IFNLR1: variants seen among roughly 807,000 people sequenced by gnomAD.
IFNLR1 encodes CRF2-12.
A neutral mutation model predicts 52.5 loss-of-function variants in IFNLR1; 28 were observed. That is an observed-to-expected ratio of 0.53 (90% CI 0.40 to 0.73). The LOEUF (loss-of-function observed/expected upper bound fraction) is 0.73, where lower values mean the gene tolerates loss of function less well. Ranked by LOEUF, IFNLR1 falls within the 30% of genes least tolerant of loss-of-function variation. IFNLR1 has a pLI of 0.00. For synonymous variants in IFNLR1, 276 were observed against 274.9 expected (o/e 1.00, Z -0.04); for missense variants, 623 against 659.1 (o/e 0.95, Z 0.60).
intron 2 of IFNLR1, among the ~76,000 whole-genome samples, chr1:24,174,601 T>G (rs1644613165): frequency 6.6e-6 from 1 of 152,210 alleles, no homozygotes. Flanking sequence ...AATTGTCTTC[T>G]AGTGTTTTGC....
intron 1 of IFNLR1, among the ~76,000 whole-genome samples, chr1:24,182,999 T>C (rs1340181284): frequency 6.6e-6 from 1 of 152,166 alleles, no homozygotes; most frequent in African/African-American, 2.4e-5. Flanking sequence ...TTTAAGAAAA[T>C]ATCTGACAGC....
At chr1:24,176,481 A>G (rs1433377798) in intron 2 of IFNLR1, among the ~76,000 whole-genome samples, 1 of 152,264 alleles carries the variant, frequency 6.6e-6, no homozygotes, top group Non-Finnish European at 1.5e-5. Flanking sequence ...TTTATTCTAT[A>G]TACATTTTAA....
intron 5 of IFNLR1, 43 bp downstream of exon 5, chr1:24,159,431 G>T: frequency 6.3e-7 from 1 of 1,581,004 alleles, no homozygotes; most frequent in Non-Finnish European, 8.7e-7. Flanking sequence ...AGCTCCCAAG[G>T]CCCAGAGGGA....
In IFNLR1 at chr1:24,156,809, T is replaced by C. The variant is rs1644383024; in HGVS notation, c.*321A>G. The C allele has an allele frequency of 8.4e-6, 3 of 357,984 alleles. No individual in the cohort carries two copies. The highest frequency in any genetic ancestry group is 2.1e-5 in the African/African-American group (1 of 47,414). 22.2% of individuals were successfully genotyped at this position (357,984 alleles called of 1,614,324 possible). A position where few individuals can be genotyped will look rare whatever the true frequency, so the allele number is the denominator to read the frequency against. ...CCGCAGTGACCTGACCTCACCTGTT[T>C]CATGTTGTCCGGGGATAATTTTTCC... On this transcript the variant is annotated 3_prime_UTR_variant, in exon 7 of 7. Transcript: ENST00000327535.
At chr1:24,159,727 T>TTTTGTTTTTTTTG in intron 4 of IFNLR1, 94 bp from the exon 5 acceptor site, 2 of 96,670 alleles carry the variant, frequency 2.1e-5, no homozygotes, top group South Asian at 1.6e-4. Context: ...TGGTAGGGTG[T>TTTTGTTTTTTTTG]TTTTTTTTTG....
At chr1:24,186,140 C>T (rs572173294) in intron 1 of IFNLR1, among the ~76,000 whole-genome samples, 17 of 152,284 alleles carry the variant, frequency 1.1e-4, no homozygotes, top group South Asian at 1.0e-3. Flanking sequence ...CACAGGTACA[C>T]GGTCCCTCAT....
At chr1:24,174,167 C>G (rs1348802999) in intron 2 of IFNLR1, among the ~76,000 whole-genome samples, 4 of 152,188 alleles carry the variant, frequency 2.6e-5, no homozygotes, top group South Asian at 2.1e-4. Context: ...CGTGAGGACA[C>G]AGCAAGAAGG....
intron 3 of IFNLR1, among the ~76,000 whole-genome samples, chr1:24,165,360 G>A (rs558806278): frequency 1.3e-5 from 2 of 152,260 alleles, no homozygotes; most frequent in South Asian, 2.1e-4. Flanking sequence ...TCAATTACAC[G>A]TTCCTTACCT....
In IFNLR1 at chr1:24,157,972, A is replaced by T; in HGVS notation, c.802-81T>A. The stretch of plus-strand genomic sequence containing the variant: ...TATCATCATCTGAATTCCCCTAGAA[A>T]CAGACCTCAGACAAGGCTTCAAGTG... On this transcript the variant is annotated intron_variant, in intron 6 of 6. Transcript: ENST00000327535. The surrounding 1 kb of genome is among the most constrained non-coding windows in gnomAD (Gnocchi z 5.1). 7.6e-7 allele frequency: 1 copy of T among 1,316,354 alleles called. No homozygotes were observed. Among genetic ancestry groups the T allele is most frequent in the Non-Finnish European group, 1.0e-6 (1 of 965,622 alleles). The allele number at this position is 1,316,354 out of a possible 1,614,324, so 81.5% of individuals were successfully genotyped here.
At chr1:24,179,763 C>T (rs898419938) in intron 2 of IFNLR1, among the ~76,000 whole-genome samples, 16 of 152,306 alleles carry the variant, frequency 1.1e-4, no homozygotes, top group Admixed American at 9.2e-4. Flanking sequence ...TAGCACTTGG[C>T]CTGGCACAGG....
chr1:24,169,556 T>G lies in IFNLR1; in HGVS notation c.228A>C (p.Gly76=). The change falls in exon 3 of 7, where the codon GGA becomes GGC. Residue 76 remains glycine, a synonymous_variant. Transcript: ENST00000327535. ...RRWREVEECA[G]TKELLCSMMC... ...TCATAGAACATAGCAGCTCCTTGGTTCCCGCACACTCTTCCACTTCGCGCC... is the reference window on the plus strand; with the variant it reads ...TCATAGAACATAGCAGCTCCTTGGTGCCCGCACACTCTTCCACTTCGCGCC... 1.2e-6 allele frequency: 2 copies of G among 1,614,162 alleles called. No individual in the cohort carries two copies. The highest frequency in any genetic ancestry group is 1.7e-6 in the Non-Finnish European group (2 of 1,180,020).
chr1:24,158,967 T>C, intron 6 of IFNLR1, 85 bp downstream of exon 6: 1 of 1,379,546 alleles, frequency 7.2e-7, no homozygotes, highest in Non-Finnish European at 1.0e-6. Context: ...ATCTTGATAT[T>C]CTATCTGAAC....
rs920529584 is a variant in IFNLR1 at position 24,155,626 on chromosome 1, C to A, written c.*1504G>T. 6.6e-6 allele frequency: 1 copy of A among 152,286 alleles called. No individual in the cohort carries two copies. Among genetic ancestry groups the A allele is most frequent in the Admixed American group, 6.5e-5 (1 of 15,280 alleles). The allele number at this position is 152,286 out of a possible 1,614,324, so 9.4% of individuals were successfully genotyped here. A position where few individuals can be genotyped will look rare whatever the true frequency, so the allele number is the denominator to read the frequency against. On this transcript the variant is annotated 3_prime_UTR_variant, in exon 7 of 7. Transcript: ENST00000327535. ...CCTCTGGGGGACATGGTTTGAGAAT[C>A]CCTGGATGAGATGCCCTAAGAAGCT...
Position 24,159,000 on chromosome 1 carries a change from C to T in IFNLR1, c.801+52G>A, listed in dbSNP as rs1433443760. On this transcript the variant is annotated intron_variant, in intron 6 of 6. Coordinates refer to ENST00000327535, the MANE Select transcript of IFNLR1 (RefSeq NM_170743.4). ...AACAACTCATAGCTCCAGCCCCACT[C>T]CCTTACTCTCAACCCCTCCCCACCT... is the stretch of plus-strand genomic sequence containing the variant. 3 of 1,586,096 alleles carry T rather than the reference C, an allele frequency of 1.9e-6. No homozygotes were observed. The Admixed American group carries it at 5.1e-5, about 27-fold the overall frequency.
At chr1:24,170,796 C>T (rs1644571323) in intron 2 of IFNLR1, among the ~76,000 whole-genome samples, 1 of 152,182 alleles carries the variant, frequency 6.6e-6, no homozygotes, top group Non-Finnish European at 1.5e-5. Flanking sequence ...ACTAATAGAA[C>T]TTGCTAACGG....
intron 2 of IFNLR1, among the ~76,000 whole-genome samples, chr1:24,178,714 T>C (rs982485828): frequency 5.3e-5 from 8 of 152,090 alleles, no homozygotes; most frequent in African/African-American, 1.9e-4. Flanking sequence ...GCAATCACCT[T>C]TGGGAGATGA....
In IFNLR1 at chr1:24,157,340, C is replaced by T. The variant is rs1345586524; in HGVS notation, c.1353G>A (p.Trp451Ter). 1.9e-6 allele frequency: 3 copies of T among 1,614,168 alleles called. No individual in the cohort carries two copies. Among genetic ancestry groups the T allele is most frequent in the Non-Finnish European group, 2.5e-6 (3 of 1,180,020 alleles). ...PEDNLSSWAT[W>*]GTLPPEPNLV... Reference sequence around the variant, plus strand: ...GATTCGGCTCCGGTGGTAAGGTGCCCCAGGTGGCCCAGGAGGAGAGGTTAT... The same window carrying T: ...GATTCGGCTCCGGTGGTAAGGTGCCTCAGGTGGCCCAGGAGGAGAGGTTAT... Residue 451 changes from tryptophan (W) to a stop codon, truncating the protein, a stop_gained, in exon 7 of 7, where the codon TGG becomes TGA. Transcript: ENST00000327535. LOFTEE classifies it high-confidence loss of function. This position sits in a 1 kb window ranked among gnomAD's most constrained non-coding sequence, Gnocchi z 5.1.
At chr1:24,170,064 TG>T (rs985340518) in intron 2 of IFNLR1, among the ~76,000 whole-genome samples, 4 of 152,186 alleles carry the variant, frequency 2.6e-5, no homozygotes, top group Non-Finnish European at 1.5e-5. Context: ...TTCAGAGAGC[TG>T]CCTGGCCCTT....
At chr1:24,166,319 T>C (rs951413137) in intron 3 of IFNLR1, among the ~76,000 whole-genome samples, 2 of 152,226 alleles carry the variant, frequency 1.3e-5, no homozygotes, top group East Asian at 1.9e-4. Context: ...ACCTTTTATC[T>C]AGCCAGTGAG....
Sources: gnomAD v4.1 joint callset for allele counts (sites outside exome capture counted in the v4.1 genomes callset) on GRCh38, gnomAD v4.1.1 for gene constraint, Gnocchi (gnomAD v3.1) non-coding constraint, MANE v1.5 for transcripts, NCBI Gene and HGNC (gene_info 2026-07-23, HGNC 2026-07-21) for gene names.